Variants in IMMP2L observed in about 807,000 individuals in gnomAD.
IMMP2L encodes the protein mitochondrial inner membrane protease subunit 2.
A neutral mutation model predicts 19.3 loss-of-function variants in IMMP2L; 18 were observed. The ratio of observed to expected loss-of-function variants is 0.93; its 90% CI spans 0.64 to 1.38. The LOEUF is 1.38. Among genes scored for constraint, IMMP2L ranks in the 40% most tolerant of loss-of-function variants. The probability of loss-of-function intolerance (pLI) is 0.00; values close to 1 mark genes in which losing one functional copy is unlikely to be tolerated. For synonymous variants in IMMP2L, 76 were observed against 73.0 expected (o/e 1.04, Z -0.21); for missense variants, 233 against 218.2 (o/e 1.07, Z -0.43).
chr7:111,207,446 A>C (rs1810827539), intron 3 of IMMP2L, among the ~76,000 whole-genome samples: 1 of 152,084 alleles, frequency 6.6e-6, no homozygotes. Context: ...CAGACTTCAA[A>C]TACATCTTTA....
At chr7:111,356,155 A>T (rs1260779092) in intron 3 of IMMP2L, among the ~76,000 whole-genome samples, 2 of 152,098 alleles carry the variant, frequency 1.3e-5, no homozygotes, top group Non-Finnish European at 2.9e-5. Context: ...GCTATAAAGT[A>T]GATTAACAGA....
intron 3 of IMMP2L, among the ~76,000 whole-genome samples, chr7:111,271,090 C>T (rs1818412301): frequency 6.6e-6 from 1 of 152,084 alleles, no homozygotes; most frequent in South Asian, 2.1e-4. Flanking sequence ...GGACAGTTAC[C>T]CTCATGCTGT....
intron 4 of IMMP2L, among the ~76,000 whole-genome samples, chr7:110,923,022 G>A (rs1814466920): frequency 6.6e-6 from 1 of 152,118 alleles, no homozygotes. Flanking sequence ...CAAGCCTATG[G>A]CAGTTGCTGT....
intron 4 of IMMP2L, among the ~76,000 whole-genome samples, chr7:110,900,126 A>G (rs1175322015): frequency 6.6e-6 from 1 of 152,202 alleles, no homozygotes; most frequent in Non-Finnish European, 1.5e-5. Flanking sequence ...TTCATATGGT[A>G]TATGTCTGAC....
At chr7:111,087,553 G>A (rs2129577302) in intron 3 of IMMP2L, among the ~76,000 whole-genome samples, 1 of 151,324 alleles carries the variant, frequency 6.6e-6, no homozygotes, top group East Asian at 1.9e-4. Flanking sequence ...GAATATTTTT[G>A]AAGTTAATAT....
At chr7:110,695,322 G>T (rs1165939647) in intron 5 of IMMP2L, among the ~76,000 whole-genome samples, 1 of 151,876 alleles carries the variant, frequency 6.6e-6, no homozygotes, top group Non-Finnish European at 1.5e-5. Context: ...CTCCCAAGTG[G>T]CTGGGATCAT....
intron 5 of IMMP2L, among the ~76,000 whole-genome samples, chr7:110,715,865 G>A (rs1795203227): frequency 6.6e-6 from 1 of 152,084 alleles, no homozygotes; most frequent in Non-Finnish European, 1.5e-5. Flanking sequence ...GGATGTTAAA[G>A]TCTCCCACTA....
At chr7:110,936,995 T>G (rs992809100) in intron 4 of IMMP2L, among the ~76,000 whole-genome samples, 1 of 151,004 alleles carries the variant, frequency 6.6e-6, no homozygotes, top group African/African-American at 2.4e-5. Flanking sequence ...TAAGTGGGAG[T>G]TGAACAATGA....
At chr7:110,703,334 G>T (rs1156701226) in intron 5 of IMMP2L, among the ~76,000 whole-genome samples, 1 of 151,824 alleles carries the variant, frequency 6.6e-6, no homozygotes, top group Non-Finnish European at 1.5e-5. Context: ...GAATCAATCT[G>T]CTAATATTTT....
intron 3 of IMMP2L, among the ~76,000 whole-genome samples, chr7:111,361,614 T>A (rs1032933714): frequency 6.6e-6 from 1 of 152,124 alleles, no homozygotes; most frequent in African/African-American, 2.4e-5. Context: ...AGGGACTATG[T>A]TGATCCAAAG....
intron 3 of IMMP2L, among the ~76,000 whole-genome samples, chr7:111,278,198 C>T (rs573059061): frequency 2.6e-5 from 4 of 152,300 alleles, no homozygotes; most frequent in Non-Finnish European, 4.4e-5. Context: ...ATGTAAAAAA[C>T]TTGCACTTGT....
intron 3 of IMMP2L, among the ~76,000 whole-genome samples, chr7:111,312,093 T>C (rs138107360): frequency 1.3e-5 from 2 of 152,252 alleles, no homozygotes; most frequent in South Asian, 2.1e-4. Context: ...GCAACATTCC[T>C]ATCTCCCTAA....
chr7:111,513,260 T>A (rs1845609669), intron 2 of IMMP2L, among the ~76,000 whole-genome samples: 1 of 152,028 alleles, frequency 6.6e-6, no homozygotes, highest in South Asian at 2.1e-4. Flanking sequence ...CACAAACAAC[T>A]CTATAGCAAG....
chr7:110,749,044 G>A (rs181384595), intron 5 of IMMP2L, among the ~76,000 whole-genome samples: 3,012 of 151,914 alleles, frequency 0.02, 39 homozygotes, highest in Non-Finnish European at 0.029. Context: ...AACTTAAACA[G>A]ATTTACAAGA....
At chr7:110,789,832 C>T (rs956014036) in intron 5 of IMMP2L, among the ~76,000 whole-genome samples, 8 of 151,532 alleles carry the variant, frequency 5.3e-5, no homozygotes, top group Admixed American at 2.6e-4. Context: ...ATTTTCTATT[C>T]CTTCTCCCTG....
At chr7:110,818,664 A>G (rs1481912983) in intron 5 of IMMP2L, among the ~76,000 whole-genome samples, 2 of 152,060 alleles carry the variant, frequency 1.3e-5, no homozygotes, top group Admixed American at 6.6e-5. Context: ...ACATGCACAC[A>G]TATGTTTATT....
chr7:110,891,294 A>G (rs1810770689), intron 4 of IMMP2L, among the ~76,000 whole-genome samples: 1 of 152,046 alleles, frequency 6.6e-6, no homozygotes, highest in Non-Finnish European at 1.5e-5. Flanking sequence ...ACACTTGCCT[A>G]TGCAGTGTTG....
At chr7:111,135,836 T>C (rs1802283011) in intron 3 of IMMP2L, among the ~76,000 whole-genome samples, 1 of 152,128 alleles carries the variant, frequency 6.6e-6, no homozygotes, top group East Asian at 1.9e-4. Context: ...TTGACTCCAC[T>C]ATTTCACTCT....
intron 3 of IMMP2L, among the ~76,000 whole-genome samples, chr7:111,019,511 C>T (rs780899356): frequency 7.9e-5 from 12 of 152,084 alleles, no homozygotes; most frequent in Non-Finnish European, 1.8e-4. Flanking sequence ...GGGAGGCAGC[C>T]AGTAAGGGGG....
Sources: allele counts gnomAD v4.1 joint callset (sites outside exome capture counted in the v4.1 genomes callset), GRCh38; gene constraint gnomAD v4.1.1; transcripts MANE v1.5; gene names NCBI Gene and HGNC (gene_info 2026-07-23, HGNC 2026-07-21).